Variants in CMTM4 observed in about 807,000 individuals in gnomAD.
The protein encoded by CMTM4 is CKLF like MARVEL transmembrane domain containing 4, also known as CKLF-like MARVEL transmembrane domain-containing protein 4.
Under a neutral mutation model 19.0 loss-of-function variants are expected in CMTM4, and 8 were observed. That is an observed-to-expected ratio of 0.42 (90% CI 0.25 to 0.76). The LOEUF is 0.76. Ranked by LOEUF, CMTM4 falls within the 30% of genes least tolerant of loss-of-function variation. The pLI, the probability that CMTM4 is intolerant of heterozygous loss-of-function variation, is 0.27. For missense variants in CMTM4, 228 were observed against 290.2 expected, an observed-to-expected ratio of 0.79 and a Z score of 1.56; for synonymous variants, 106 against 121.1, an observed-to-expected ratio of 0.88 and a Z score of 0.82.
chr16:66,612,071 TG>T (rs1246764334), downstream of CMTM4, among the ~76,000 whole-genome samples: 8 of 152,106 alleles, frequency 5.3e-5, no homozygotes, highest in Non-Finnish European at 1.2e-4. This position sits in a 1 kb window ranked among gnomAD's most constrained non-coding sequence, Gnocchi z 6.0. Context: ...GCTTCAGTCT[TG>T]GGGTGGAAAC....
chr16:66,654,985 T>C (rs188436811), intron 1 of CMTM4, among the ~76,000 whole-genome samples: 116 of 152,218 alleles, frequency 7.6e-4, no homozygotes, highest in African/African-American at 2.7e-3. Flanking sequence ...AATTTCCTTT[T>C]TGTTTTTTGG....
intron 1 of CMTM4, among the ~76,000 whole-genome samples, chr16:66,671,840 G>A (rs1041708514): frequency 1.3e-5 from 2 of 151,802 alleles, no homozygotes; most frequent in Non-Finnish European, 2.9e-5. Flanking sequence ...AACACAGGGA[G>A]ACCCGGTCTC....
At chr16:66,660,144 T>C (rs990030857) in intron 1 of CMTM4, among the ~76,000 whole-genome samples, 1 of 152,024 alleles carries the variant, frequency 6.6e-6, no homozygotes, top group African/African-American at 2.4e-5. Context: ...TCCCAGCACT[T>C]TGGGAGGCTA....
At chr16:66,644,685 C>T (rs182617697) in intron 1 of CMTM4, among the ~76,000 whole-genome samples, 39 of 152,258 alleles carry the variant, frequency 2.6e-4, no homozygotes, top group Admixed American at 5.9e-4. Context: ...AGACCCCTGT[C>T]GTGACCCTTG....
At chr16:66,687,071 T>C (rs1460229600) in intron 1 of CMTM4, among the ~76,000 whole-genome samples, 1 of 152,100 alleles carries the variant, frequency 6.6e-6, no homozygotes, top group East Asian at 1.9e-4. Context: ...GGTAAATTCC[T>C]TTCAAATGGA....
At chr16:66,608,973 C>T in the CMTM4 span, among the ~76,000 whole-genome samples, 2 of 152,102 alleles carry the variant, frequency 1.3e-5, no homozygotes, top group South Asian at 4.1e-4. The surrounding 1 kb of genome is among the most constrained non-coding windows in gnomAD (Gnocchi z 5.1). Context: ...TCATATCCAG[C>T]ATCTGCTGCC....
intron 1 of CMTM4, among the ~76,000 whole-genome samples, chr16:66,688,100 C>T (rs550907359): frequency 5.9e-5 from 9 of 152,218 alleles, no homozygotes; most frequent in Admixed American, 1.3e-4. Context: ...TCTTCACAGA[C>T]GGCACTTTCT....
chr16:66,633,155 C>T (rs1185313194), intron 2 of CMTM4, among the ~76,000 whole-genome samples: 13 of 130,210 alleles, frequency 1.0e-4, no homozygotes, highest in Non-Finnish European at 2.0e-4. Context: ...ATCAAAGTCC[C>T]ACAATCCATC....
Position 66,643,091 on chromosome 16 carries a change from T to G in CMTM4, c.187-6510A>C, listed in dbSNP as rs571633905. Among the ~76,000 whole-genome samples the G allele has an allele frequency of 4.6e-5, 7 of 152,260 alleles. No homozygotes were observed. In the East Asian group the frequency reaches 1.4e-3, roughly 30 times the overall value. On this transcript the variant is annotated intron_variant, in intron 1 of 3. Transcript: ENST00000394106. ...ACCTGCCACCAAGGCCGGCTAATTT[T>G]TGTACTTTTAGTAGAGACAGGGTTT...
At chr16:66,631,930 AAAAATAAAAT>A (rs553839103) in intron 2 of CMTM4, among the ~76,000 whole-genome samples, 9 of 152,238 alleles carry the variant, frequency 5.9e-5, no homozygotes, top group South Asian at 4.1e-4. Context: ...TGATCAATAA[AAAAATAAAAT>A]AAAATAAAAT....
intron 1 of CMTM4, among the ~76,000 whole-genome samples, chr16:66,654,788 T>A (rs1406893187): frequency 6.6e-6 from 1 of 152,216 alleles, no homozygotes. Context: ...GGGGCAATTC[T>A]GATGCTAAAG....
intron 1 of CMTM4, among the ~76,000 whole-genome samples, chr16:66,663,694 C>T (rs925062939): frequency 6.6e-6 from 1 of 151,590 alleles, no homozygotes; most frequent in African/African-American, 2.4e-5. Context: ...AGGCAAGCGC[C>T]GCCACACCGA....
At chr16:66,603,463 A>G in the CMTM4 span, among the ~76,000 whole-genome samples, 1 of 151,564 alleles carries the variant, frequency 6.6e-6, no homozygotes, top group Admixed American at 6.6e-5. Flanking sequence ...TAATTTTTGT[A>G]TTTTTAGTAG....
chr16:66,620,180 C>T lies in CMTM4; in HGVS notation c.*1878G>A. 1 of 985,470 alleles carries T rather than the reference C, an allele frequency of 1.0e-6. No individual in the cohort carries two copies. The highest frequency in any genetic ancestry group is 1.2e-6 in the Non-Finnish European group (1 of 829,936). The allele number at this position is 985,470 out of a possible 1,614,324, so 61.0% of individuals were successfully genotyped here. A position where few individuals can be genotyped will look rare whatever the true frequency, so the allele number is the denominator to read the frequency against. On this transcript the variant is annotated 3_prime_UTR_variant, in exon 4 of 4. Transcript: ENST00000394106. ...CAGGATGGTCCTTCCAAGTGGGCCC[C>T]ATTTAATGCAAGGCTGAGCCTTTGT...
chr16:66,645,146 T>C (rs1301814834), intron 1 of CMTM4, among the ~76,000 whole-genome samples: 1 of 151,858 alleles, frequency 6.6e-6, no homozygotes, highest in Non-Finnish European at 1.5e-5. Flanking sequence ...TATCTGGGCA[T>C]GGTGGCAGGC....
downstream of CMTM4, chr16:66,612,521 A>G (rs367622306): frequency 6.4e-6 from 9 of 1,410,780 alleles, no homozygotes; most frequent in African/African-American, 2.8e-5. The surrounding 1 kb of genome is among the most constrained non-coding windows in gnomAD (Gnocchi z 6.0). Flanking sequence ...GGCTCCTGCC[A>G]GCAACCCAGC....
chr16:66,689,932 T>G, intron 1 of CMTM4, among the ~76,000 whole-genome samples: 1 of 152,212 alleles, frequency 6.6e-6, no homozygotes, highest in East Asian at 1.9e-4. Flanking sequence ...CTTTGTGTGG[T>G]TTTGTAAAAC....
the CMTM4 span, chr16:66,604,876 TC>T: frequency 2.8e-6 from 4 of 1,422,566 alleles, no homozygotes; most frequent in Non-Finnish European, 1.8e-6. Context: ...GGCCCCGCGG[TC>T]CCCGGGCTCC....
chr16:66,681,861 C>T (rs189308878), intron 1 of CMTM4, among the ~76,000 whole-genome samples: 6 of 152,320 alleles, frequency 3.9e-5, no homozygotes, highest in Admixed American at 3.9e-4. Context: ...CCTCTTACCA[C>T]GCCTTTCTGG....
Sources: gnomAD v4.1 joint callset for allele counts (sites outside exome capture counted in the v4.1 genomes callset) on GRCh38, gnomAD v4.1.1 for gene constraint, Gnocchi (gnomAD v3.1) non-coding constraint, MANE v1.5 for transcripts, NCBI Gene and HGNC (gene_info 2026-07-23, HGNC 2026-07-21) for gene names.